Variants in RFC3 observed in about 807,000 individuals in gnomAD.
RFC3 encodes the protein A1 38 kDa subunit.
A neutral mutation model predicts 45.1 loss-of-function variants in RFC3; 41 were observed. That is an observed-to-expected ratio of 0.91 (90% CI 0.71 to 1.18). The LOEUF (loss-of-function observed/expected upper bound fraction) is 1.18, where lower values mean the gene tolerates loss of function less well. Among genes scored for constraint, RFC3 ranks in the 50% most tolerant of loss-of-function variants. The pLI is 0.00. For synonymous variants in RFC3, 149 were observed against 144.0 expected (o/e 1.03, Z -0.25); for missense variants, 423 against 428.1 (o/e 0.99, Z 0.10).
the RFC3 span, among the ~76,000 whole-genome samples, chr13:33,976,984 A>G: frequency 1.3e-5 from 2 of 152,268 alleles, no homozygotes; most frequent in East Asian, 3.9e-4. Context: ...ATGTGATTAG[A>G]ATGGCACTTT....
intron 8 of RFC3, chr13:33,848,866 A>G (rs1398528607): frequency 6.6e-6 from 1 of 152,206 alleles, no homozygotes; most frequent in Non-Finnish European, 1.5e-5. Flanking sequence ...AAATGTAAAT[A>G]TTTAGATTTA....
intron 8 of RFC3, among the ~76,000 whole-genome samples, chr13:33,906,187 T>C (rs1411454811): frequency 1.3e-5 from 2 of 152,130 alleles, no homozygotes; most frequent in Non-Finnish European, 2.9e-5. Flanking sequence ...TCTGTTCTTA[T>C]TGCCACAGCA....
chr13:33,878,393 G>A (rs1488679062), intron 8 of RFC3, among the ~76,000 whole-genome samples: 1 of 152,160 alleles, frequency 6.6e-6, no homozygotes, highest in Non-Finnish European at 1.5e-5. Context: ...TGGATGTGAA[G>A]TGCGTGTACC....
At chr13:33,962,059 T>C (rs540838454) in intron 8 of RFC3, among the ~76,000 whole-genome samples, 2 of 152,200 alleles carry the variant, frequency 1.3e-5, no homozygotes, top group Non-Finnish European at 2.9e-5. Flanking sequence ...CAAGCCCTTC[T>C]TCTGGCTGTA....
At chr13:33,860,256 G>T (rs1417465775) in intron 8 of RFC3, among the ~76,000 whole-genome samples, 6 of 151,386 alleles carry the variant, frequency 4.0e-5, no homozygotes, top group African/African-American at 1.5e-4. Context: ...CTTTTGAGAA[G>T]GAAAAAAGCC....
At chr13:33,962,753 A>G (rs2083065048) in intron 8 of RFC3, among the ~76,000 whole-genome samples, 1 of 152,190 alleles carries the variant, frequency 6.6e-6, no homozygotes, top group East Asian at 1.9e-4. Flanking sequence ...TTATGTATGT[A>G]TGTATGTATA....
intron 8 of RFC3, among the ~76,000 whole-genome samples, chr13:33,867,039 G>A (rs1348172463): frequency 1.3e-5 from 2 of 152,182 alleles, no homozygotes; most frequent in Non-Finnish European, 2.9e-5. Context: ...TACGAAGGAA[G>A]GACTGTTACA....
intron 8 of RFC3, among the ~76,000 whole-genome samples, chr13:33,940,126 G>C (rs1223608187): frequency 2.0e-5 from 3 of 151,938 alleles, no homozygotes; most frequent in Non-Finnish European, 4.4e-5. Context: ...TTATGGGGGA[G>C]AGTTAATTTG....
chr13:33,908,492 G>T (rs1179773217), intron 8 of RFC3, among the ~76,000 whole-genome samples: 1 of 151,928 alleles, frequency 6.6e-6, no homozygotes, highest in Non-Finnish European at 1.5e-5. Context: ...AAAATTGGCT[G>T]GAGAATTATT....
intron 8 of RFC3, among the ~76,000 whole-genome samples, chr13:33,961,259 C>G (rs917624370): frequency 8.5e-5 from 13 of 152,156 alleles, no homozygotes; most frequent in African/African-American, 2.9e-4. Context: ...TCTCCTCCTA[C>G]TTCACATCTG....
At chr13:33,938,853 G>C (rs1336676449) in intron 8 of RFC3, among the ~76,000 whole-genome samples, 1 of 152,110 alleles carries the variant, frequency 6.6e-6, no homozygotes, top group Non-Finnish European at 1.5e-5. Context: ...TTTCCAAAGT[G>C]ATTATACAAA....
intron 8 of RFC3, among the ~76,000 whole-genome samples, chr13:33,880,883 C>T (rs906345712): frequency 6.6e-6 from 1 of 152,088 alleles, no homozygotes; most frequent in African/African-American, 2.4e-5. Context: ...TAGTGAAACT[C>T]CATCTCTACT....
intron 8 of RFC3, among the ~76,000 whole-genome samples, chr13:33,949,574 T>C (rs996697237): frequency 1.3e-5 from 2 of 152,236 alleles, no homozygotes; most frequent in African/African-American, 4.8e-5. Context: ...TGAGTGCTTT[T>C]CCTCATGACA....
intron 8 of RFC3, among the ~76,000 whole-genome samples, chr13:33,893,139 G>A (rs1027422371): frequency 1.3e-5 from 2 of 152,112 alleles, no homozygotes; most frequent in African/African-American, 4.8e-5. Flanking sequence ...CTTGAAAAAG[G>A]GAGATGCCAA....
intron 8 of RFC3, among the ~76,000 whole-genome samples, chr13:33,941,771 T>C (rs1212211613): frequency 6.6e-6 from 1 of 152,112 alleles, no homozygotes; most frequent in East Asian, 1.9e-4. Flanking sequence ...CTTGAATGTA[T>C]GGGTTGAGAG....
intron 4 of RFC3, among the ~76,000 whole-genome samples, chr13:33,826,492 A>G (rs1024014510): frequency 1.3e-5 from 2 of 152,084 alleles, no homozygotes; most frequent in African/African-American, 4.8e-5. Flanking sequence ...TTCTTTAGTG[A>G]GTGTGATAAA....
intron 8 of RFC3, among the ~76,000 whole-genome samples, chr13:33,835,875 A>C (rs184651534): frequency 6.2e-4 from 94 of 152,258 alleles, no homozygotes; most frequent in Middle Eastern, 6.8e-3. Flanking sequence ...TGTGCAGTTA[A>C]ATATTTGGAA....
chr13:33,836,140 C>A lies in RFC3; in HGVS notation c.916C>A (p.Gln306Lys), dbSNP rs759768187. 4 of 1,612,746 alleles carry A rather than the reference C, an allele frequency of 2.5e-6. No individual in the cohort carries two copies. The Admixed American group carries it at 5.0e-5, about 20-fold the overall frequency. ...AGAACTGTTACATAATTGTGATGGA[C>A]AACTGAAAGGGGAGGTGGCACAAAT... is the stretch of plus-strand genomic sequence containing the variant. ...LSELLHNCDGQLKGEVAQMAA... is the reference protein window; with the variant it reads ...LSELLHNCDGKLKGEVAQMAA... Residue 306 changes from glutamine to lysine, a missense_variant, in exon 9 of 9, where the codon CAA becomes AAA. Physicochemically the swap from Gln to Lys is moderately conservative, Grantham distance 53. Transcript: ENST00000380071.
At chr13:33,916,298 C>T (rs543328660) in intron 8 of RFC3, among the ~76,000 whole-genome samples, 1 of 152,136 alleles carries the variant, frequency 6.6e-6, no homozygotes, top group Non-Finnish European at 1.5e-5. Flanking sequence ...CCTTAAGACC[C>T]AGGATCTGAA....
Sources: gnomAD v4.1 joint callset for allele counts (sites outside exome capture counted in the v4.1 genomes callset) on GRCh38, gnomAD v4.1.1 for gene constraint, MANE v1.5 for transcripts, NCBI Gene and HGNC (gene_info 2026-07-23, HGNC 2026-07-21) for gene names.